Variants in SPIRE1 observed in about 807,000 individuals in gnomAD.
SPIRE1 encodes spire type actin nucleation factor 1.
SPIRE1 carries 40 observed loss-of-function variants against 94.1 expected under a neutral mutation model. The observed-to-expected ratio is 0.43, with a 90% CI of 0.33 to 0.55. The LOEUF is 0.55. Among genes scored for constraint, SPIRE1 ranks in the 20% least tolerant of loss-of-function variants. The probability of loss-of-function intolerance (pLI) is 0.06; values close to 1 mark genes in which losing one functional copy is unlikely to be tolerated. For synonymous variants in SPIRE1, 376 were observed against 371.7 expected, an observed-to-expected ratio of 1.01 and a Z score of -0.13; for missense variants, 838 against 975.2, an observed-to-expected ratio of 0.86 and a Z score of 1.87.
intron 7 of SPIRE1, among the ~76,000 whole-genome samples, chr18:12,493,670 G>C (rs1369543507): frequency 6.6e-6 from 1 of 152,154 alleles, no homozygotes; most frequent in Non-Finnish European, 1.5e-5. Flanking sequence ...GTCTCCCAAA[G>C]TGCTGGGATT....
chr18:12,646,691 A>T (rs2038235046), intron 1 of SPIRE1, among the ~76,000 whole-genome samples: 1 of 152,150 alleles, frequency 6.6e-6, no homozygotes, highest in East Asian at 1.9e-4. Flanking sequence ...TTCTAATTAA[A>T]TTAAGGGATG....
chr18:12,646,501 G>C (rs2038229635), intron 1 of SPIRE1, among the ~76,000 whole-genome samples: 1 of 152,042 alleles, frequency 6.6e-6, no homozygotes, highest in Admixed American at 6.6e-5. Context: ...CAGGTAATGG[G>C]AATATCGCTA....
intron 3 of SPIRE1, among the ~76,000 whole-genome samples, chr18:12,540,537 G>A (rs1350126741): frequency 5.9e-5 from 9 of 151,964 alleles, no homozygotes; most frequent in Non-Finnish European, 1.3e-4. Context: ...CACTATGCCC[G>A]GCTATTTTTT....
At chr18:12,518,786 A>G (rs750486819) in intron 4 of SPIRE1, among the ~76,000 whole-genome samples, 13 of 152,218 alleles carry the variant, frequency 8.5e-5, no homozygotes, top group Non-Finnish European at 7.3e-5. Flanking sequence ...ATTATTTCAC[A>G]ATATTGTCTA....
At chr18:12,654,732 T>C (rs2038486651) in intron 1 of SPIRE1, among the ~76,000 whole-genome samples, 1 of 148,224 alleles carries the variant, frequency 6.7e-6, no homozygotes, top group African/African-American at 2.5e-5. Flanking sequence ...AAACGTTCCT[T>C]AAAACTGAAA....
At chr18:12,495,940 T>C (rs931824464) in intron 7 of SPIRE1, 76 bp downstream of exon 7, 4 of 1,121,648 alleles carry the variant, frequency 3.6e-6, no homozygotes, top group Non-Finnish European at 4.0e-6. Flanking sequence ...GAAAGCTGAG[T>C]TCTAGAGATG....
In SPIRE1 at chr18:12,547,933, AAAC is replaced by A. The variant is rs34460586; in HGVS notation, c.373-1032_373-1030del. ...CTCTATCTCATAAAAACAAACAAAC[AAAC>A]AACAACAACAACAACAAACAGGCAA... On this transcript the variant is annotated intron_variant, in intron 2 of 16. Transcript: ENST00000409402. Among the ~76,000 whole-genome samples, 166 of 152,246 alleles carry A rather than the reference AAAC, an allele frequency of 1.1e-3. 1 individual carries two copies. The highest frequency in any genetic ancestry group is 3.5e-3 in the African/African-American group (144 of 41,542).
At chr18:12,572,187 C>T (rs2035973970) in intron 2 of SPIRE1, among the ~76,000 whole-genome samples, 1 of 151,984 alleles carries the variant, frequency 6.6e-6, no homozygotes, top group East Asian at 1.9e-4. Context: ...GCAGTGGGGG[C>T]TTGGGGGGGT....
chr18:12,467,202 CG>C (rs1251000547), intron 10 of SPIRE1, among the ~76,000 whole-genome samples: 1 of 152,004 alleles, frequency 6.6e-6, no homozygotes, highest in African/African-American at 2.4e-5. Context: ...CACTTGAACC[CG>C]GGAGGTGGAG....
chr18:12,556,782 AG>A (rs1200114865), intron 2 of SPIRE1, among the ~76,000 whole-genome samples: 3 of 152,140 alleles, frequency 2.0e-5, no homozygotes, highest in Non-Finnish European at 4.4e-5. Context: ...AAAGGTGGTG[AG>A]GACCCAAAGA....
In SPIRE1 at chr18:12,626,886, A is replaced by ATATATATATTTT. The variant is rs55915333; in HGVS notation, c.372+8175_372+8176insAAAATATATATA. On this transcript the variant is annotated intron_variant, in intron 2 of 16. Transcript: ENST00000409402. ...CTGTAAAATATATATATATATATAT[A>ATATATATATTTT]TTTTTTTTTTTTTTTTGCCCAGAGG... Among the ~76,000 whole-genome samples, 102 of 111,886 alleles carry ATATATATATTTT rather than the reference A, an allele frequency of 9.1e-4. 1 individual carries two copies. Among genetic ancestry groups the ATATATATATTTT allele is most frequent in the Non-Finnish European group, 1.6e-3 (85 of 53,778 alleles). 73.4% of individuals were successfully genotyped at this position (111,886 alleles called of 152,430 possible).
chr18:12,582,719 C>T (rs1419132439), intron 2 of SPIRE1, among the ~76,000 whole-genome samples: 3 of 152,124 alleles, frequency 2.0e-5, no homozygotes, highest in African/African-American at 4.8e-5. Flanking sequence ...AGCATGGGAG[C>T]CAGGTTATCA....
rs372747655 is a variant in SPIRE1 at position 12,449,689 on chromosome 18, C to T, written c.2220G>A (p.Ser740=). 24 of 1,614,016 alleles carry T rather than the reference C, an allele frequency of 1.5e-5. No individual in the cohort carries two copies. The highest frequency in any genetic ancestry group is 1.1e-4 in the African/African-American group (8 of 74,922). The part of the protein sequence containing the change: ...KRKTQSFYMS[S]PGPSEYCPSE... Reference sequence around the variant, plus strand: ...AAGGGCAGTACTCCGAGGGGCCTGGCGAGGACATGTAGAAAGACTGCGTTT... The same window carrying T: ...AAGGGCAGTACTCCGAGGGGCCTGGTGAGGACATGTAGAAAGACTGCGTTT... The change falls in exon 17 of 17, where the codon TCG becomes TCA. Residue 740 remains serine (S), a synonymous_variant. Coordinates refer to ENST00000409402, the MANE Select transcript of SPIRE1 (RefSeq NM_001128626.2).
At chr18:12,626,185 C>T (rs1212624961) in intron 2 of SPIRE1, among the ~76,000 whole-genome samples, 1 of 152,000 alleles carries the variant, frequency 6.6e-6, no homozygotes, top group Non-Finnish European at 1.5e-5. Flanking sequence ...AGCAGCAAAC[C>T]CCATTTACAG....
At chr18:12,521,643 G>C (rs1234162780) in intron 4 of SPIRE1, among the ~76,000 whole-genome samples, 1 of 152,072 alleles carries the variant, frequency 6.6e-6, no homozygotes, top group African/African-American at 2.4e-5. Context: ...GCCAGATATC[G>C]TGTTTTTACA....
intron 3 of SPIRE1, among the ~76,000 whole-genome samples, chr18:12,542,676 T>G (rs1242304905): frequency 6.6e-6 from 1 of 152,216 alleles, no homozygotes; most frequent in African/African-American, 2.4e-5. Flanking sequence ...AGGTTAGCAC[T>G]AATAAATTAG....
intron 1 of SPIRE1, among the ~76,000 whole-genome samples, chr18:12,652,067 G>T (rs1293505454): frequency 1.3e-5 from 2 of 152,122 alleles, no homozygotes; most frequent in African/African-American, 2.4e-5. Flanking sequence ...TTGTCAGACG[G>T]GTATTTAAGT....
At chr18:12,469,751 A>T (rs1427287263) in intron 10 of SPIRE1, among the ~76,000 whole-genome samples, 1 of 144,572 alleles carries the variant, frequency 6.9e-6, no homozygotes, top group East Asian at 1.9e-4. Flanking sequence ...ATATAATATA[A>T]TTATATATAT....
chr18:12,543,403 G>C (rs916665547), intron 3 of SPIRE1, among the ~76,000 whole-genome samples: 3 of 152,186 alleles, frequency 2.0e-5, no homozygotes, highest in African/African-American at 7.2e-5. Flanking sequence ...ACCATGCCTA[G>C]CTGATATTTT....
Sources: gnomAD v4.1 joint callset for allele counts (sites outside exome capture counted in the v4.1 genomes callset) on GRCh38, gnomAD v4.1.1 for gene constraint, MANE v1.5 for transcripts, NCBI Gene and HGNC (gene_info 2026-07-23, HGNC 2026-07-21) for gene names.